Variants in MCTP2 observed in about 807,000 individuals in gnomAD.
MCTP2 encodes the protein multiple C2 and transmembrane domain containing 2.
In MCTP2, 132 loss-of-function variants were observed where a neutral mutation model predicts 111.6. The observed-to-expected ratio is 1.18, with a 90% confidence interval of 1.03 to 1.37. MCTP2 has a LOEUF of 1.37. MCTP2 is among the 40% of genes most tolerant of loss of function. The pLI is 0.00. For synonymous variants in MCTP2, 395 were observed against 387.7 expected, an observed-to-expected ratio of 1.02 and a Z score of -0.22; for missense variants, 1,183 against 1,067.9, an observed-to-expected ratio of 1.11 and a Z score of -1.50.
At chr15:94,359,719 G>A (rs1211482982) in intron 10 of MCTP2, among the ~76,000 whole-genome samples, 2 of 152,184 alleles carry the variant, frequency 1.3e-5, no homozygotes, top group African/African-American at 4.8e-5. Flanking sequence ...AGAGGCCCAA[G>A]GAAGTGAAAT....
chr15:94,242,512 C>T (rs2071048578), intron 1 of MCTP2, among the ~76,000 whole-genome samples: 1 of 151,988 alleles, frequency 6.6e-6, no homozygotes, highest in Non-Finnish European at 1.5e-5. Flanking sequence ...TTTTTTTCTA[C>T]ATTGCCTTCT....
intron 1 of MCTP2, among the ~76,000 whole-genome samples, chr15:94,244,384 A>C (rs2071549301): frequency 6.7e-6 from 1 of 149,878 alleles, no homozygotes; most frequent in African/African-American, 2.4e-5. Flanking sequence ...ATATGTATAC[A>C]CATAAATATG....
intron 17 of MCTP2, among the ~76,000 whole-genome samples, chr15:94,423,025 A>C (rs2082700676): frequency 6.6e-6 from 1 of 152,152 alleles, no homozygotes; most frequent in Admixed American, 6.6e-5. Context: ...AAGCACTTTC[A>C]TTGTTTAGCA....
chr15:94,376,307 A>G (rs1326623438), intron 12 of MCTP2, among the ~76,000 whole-genome samples: 1 of 152,172 alleles, frequency 6.6e-6, no homozygotes, highest in East Asian at 1.9e-4. Flanking sequence ...TAACTAAACC[A>G]GTGTCCAGTT....
intron 1 of MCTP2, among the ~76,000 whole-genome samples, chr15:94,274,679 G>T (rs988748082): frequency 3.9e-5 from 6 of 152,070 alleles, no homozygotes; most frequent in African/African-American, 1.4e-4. Flanking sequence ...AGAGGAAGTA[G>T]AAATTATGAA....
intron 1 of MCTP2, among the ~76,000 whole-genome samples, chr15:94,240,934 G>T (rs955389861): frequency 7.9e-5 from 12 of 152,244 alleles, no homozygotes; most frequent in African/African-American, 2.6e-4. Flanking sequence ...TTCTTGTGGT[G>T]CTATTGATTA....
intron 3 of MCTP2, 95 bp from the exon 4 acceptor site, chr15:94,315,434 C>T (rs1191820120): frequency 5.9e-6 from 5 of 841,028 alleles, no homozygotes; most frequent in Non-Finnish European, 9.6e-6. Flanking sequence ...TCATAGTGGC[C>T]TTTCTTTTTT....
At chr15:94,270,376 A>G (rs2152296790) in intron 1 of MCTP2, among the ~76,000 whole-genome samples, 1 of 152,328 alleles carries the variant, frequency 6.6e-6, no homozygotes, top group Middle Eastern at 3.4e-3. Context: ...ATGTATGTAA[A>G]GCAGTGAACA....
At chr15:94,260,325 C>A (rs1367379401) in intron 1 of MCTP2, among the ~76,000 whole-genome samples, 3 of 152,198 alleles carry the variant, frequency 2.0e-5, no homozygotes, top group African/African-American at 7.2e-5. Context: ...CTGAGTCCAG[C>A]CCACTCAACT....
chr15:94,252,281 C>A (rs1486665313), intron 1 of MCTP2, among the ~76,000 whole-genome samples: 2 of 152,126 alleles, frequency 1.3e-5, no homozygotes, highest in Non-Finnish European at 2.9e-5. Flanking sequence ...CCAACACTTG[C>A]CATTTTCTGT....
At position 94,479,091 on chromosome 15, in the gene MCTP2, A is replaced by G; in HGVS notation, c.*57A>G. ...ATATTGTGTTTGGTTGAGTAGACCAATGTTATGGCTGTTTCAGTGGTACCC... is the reference window on the plus strand; with the variant it reads ...ATATTGTGTTTGGTTGAGTAGACCAGTGTTATGGCTGTTTCAGTGGTACCC... On this transcript the variant is annotated 3_prime_UTR_variant, in exon 23 of 23. Coordinates refer to ENST00000357742, the MANE Select transcript of MCTP2 (RefSeq NM_001385001.1). 1 of 1,533,862 alleles carries G rather than the reference A, an allele frequency of 6.5e-7. No homozygotes were observed. Among genetic ancestry groups the G allele is most frequent in the Non-Finnish European group, 9.0e-7 (1 of 1,107,926 alleles).
Position 94,434,954 on chromosome 15 carries a change from C to G in MCTP2, c.2086-5222C>G, listed in dbSNP as rs2083390740. Among the ~76,000 whole-genome samples the G allele has an allele frequency of 2.6e-5, 4 of 151,672 alleles. No individual in the cohort carries two copies. In the South Asian group the frequency reaches 8.3e-4, roughly 32 times the overall value. The stretch of plus-strand genomic sequence containing the variant: ...TCTTAGCTCACTGCAACCTCCGCTC[C>G]TCGGGTTCAAGCGATTCTCCTGCCT... On this transcript the variant is annotated intron_variant, in intron 17 of 22. Coordinates refer to ENST00000357742, the MANE Select transcript of MCTP2 (RefSeq NM_001385001.1).
chr15:94,235,138 G>T (rs371649552), intron 1 of MCTP2, among the ~76,000 whole-genome samples: 3 of 151,964 alleles, frequency 2.0e-5, no homozygotes, highest in African/African-American at 7.3e-5. Flanking sequence ...ATAATCCTAG[G>T]TAATTGGGAG....
At chr15:94,320,123 G>A (rs2076558562) in intron 4 of MCTP2, among the ~76,000 whole-genome samples, 4 of 149,904 alleles carry the variant, frequency 2.7e-5, no homozygotes, top group African/African-American at 2.5e-5. Flanking sequence ...GTATTAGGAG[G>A]GAGAATAGTT....
chr15:94,331,385 G>A (rs892883658), intron 4 of MCTP2, among the ~76,000 whole-genome samples: 16 of 152,150 alleles, frequency 1.1e-4, no homozygotes, highest in Non-Finnish European at 2.9e-5. Flanking sequence ...GGAAGTGTAA[G>A]GACAGAAAAA....
intron 9 of MCTP2, among the ~76,000 whole-genome samples, chr15:94,358,209 A>G (rs2078734290): frequency 6.6e-6 from 1 of 152,192 alleles, no homozygotes. Flanking sequence ...ATGTGTGTGT[A>G]TATATAATTT....
chr15:94,318,418 G>A (rs1262148321), intron 4 of MCTP2, among the ~76,000 whole-genome samples: 1 of 151,910 alleles, frequency 6.6e-6, no homozygotes, highest in East Asian at 1.9e-4. Context: ...CAAATAGCTG[G>A]GATTACAGGC....
At chr15:94,245,680 ATG>A (rs2071922292) in intron 1 of MCTP2, among the ~76,000 whole-genome samples, 1 of 146,212 alleles carries the variant, frequency 6.8e-6, no homozygotes, top group Non-Finnish European at 1.5e-5. Context: ...ATACATATGT[ATG>A]TGTATACATA....
At chr15:94,469,027 T>C (rs2073671829) in intron 20 of MCTP2, among the ~76,000 whole-genome samples, 1 of 152,252 alleles carries the variant, frequency 6.6e-6, no homozygotes, top group Non-Finnish European at 1.5e-5. Flanking sequence ...AGTCTTAATT[T>C]GCTCATCTAT....
Sources: allele counts gnomAD v4.1 joint callset (sites outside exome capture counted in the v4.1 genomes callset), GRCh38; gene constraint gnomAD v4.1.1; transcripts MANE v1.5; gene names NCBI Gene and HGNC (gene_info 2026-07-23, HGNC 2026-07-21).